MACROD2: variants seen among roughly 807,000 people sequenced by gnomAD.
MACROD2 encodes the protein mono-ADP ribosylhydrolase 2.
A neutral mutation model predicts 70.4 loss-of-function variants in MACROD2; 36 were observed. The observed-to-expected ratio is 0.51, with a 90% CI of 0.39 to 0.68. The LOEUF (loss-of-function observed/expected upper bound fraction) is 0.68, where lower values mean the gene tolerates loss of function less well. Among genes scored for constraint, MACROD2 ranks in the 30% least tolerant of loss-of-function variants. The pLI, the probability that MACROD2 is intolerant of heterozygous loss-of-function variation, is 0.00. For missense variants in MACROD2, 496 were observed against 538.4 expected, an observed-to-expected ratio of 0.92 and a Z score of 0.78; for synonymous variants, 172 against 178.8, an observed-to-expected ratio of 0.96 and a Z score of 0.30.
At chr20:14,869,677 CT>C (rs770543397) in intron 5 of MACROD2, among the ~76,000 whole-genome samples, 13 of 152,134 alleles carry the variant, frequency 8.5e-5, no homozygotes, top group Non-Finnish European at 1.8e-4. Context: ...AGCCAAACCC[CT>C]TTTCTCAACA....
chr20:14,688,185 C>T (rs1014893518), intron 5 of MACROD2, among the ~76,000 whole-genome samples: 4 of 152,126 alleles, frequency 2.6e-5, no homozygotes, highest in Non-Finnish European at 5.9e-5. Flanking sequence ...TATCTGTCCT[C>T]TGAGACAGCG....
intron 8 of MACROD2, among the ~76,000 whole-genome samples, chr20:15,525,536 G>A (rs905486308): frequency 6.6e-6 from 1 of 152,214 alleles, no homozygotes; most frequent in Non-Finnish European, 1.5e-5. Flanking sequence ...CAAGGTCCCT[G>A]TTCCTTTCAC....
intron 8 of MACROD2, among the ~76,000 whole-genome samples, chr20:15,621,241 C>G (rs1260812456): frequency 6.6e-6 from 1 of 152,178 alleles, no homozygotes; most frequent in Non-Finnish European, 1.5e-5. Context: ...TTAGTCTCTT[C>G]TCTCTATTTC....
chr20:15,912,630 A>G (rs1430072096), intron 10 of MACROD2, among the ~76,000 whole-genome samples: 1 of 152,220 alleles, frequency 6.6e-6, no homozygotes, highest in Non-Finnish European at 1.5e-5. Flanking sequence ...TTCATTGACC[A>G]CAAAAGTTGG....
chr20:14,247,596 C>T (rs2081977516), intron 3 of MACROD2, among the ~76,000 whole-genome samples: 1 of 152,060 alleles, frequency 6.6e-6, no homozygotes, highest in South Asian at 2.1e-4. Flanking sequence ...CAAAATGTTC[C>T]AAAATCCAAA....
intron 3 of MACROD2, among the ~76,000 whole-genome samples, chr20:14,366,038 A>G (rs889824959): frequency 6.6e-6 from 1 of 152,164 alleles, no homozygotes; most frequent in African/African-American, 2.4e-5. Context: ...TATCCTGTAG[A>G]TGTTCCATGT....
intron 5 of MACROD2, among the ~76,000 whole-genome samples, chr20:14,700,522 GGTGT>G (rs149689043): frequency 0.044 from 4,909 of 111,382 alleles, 107 homozygotes; most frequent in African/African-American, 0.044. Context: ...GACATATGGT[GGTGT>G]GTGTGTGTGT....
chr20:14,912,185 G>A (rs2074036055), intron 5 of MACROD2, among the ~76,000 whole-genome samples: 1 of 152,160 alleles, frequency 6.6e-6, no homozygotes, highest in South Asian at 2.1e-4. Flanking sequence ...AAGAAGGAGG[G>A]AGAGTAGCAG....
At chr20:14,457,111 TATC>T (rs200092368) in intron 3 of MACROD2, among the ~76,000 whole-genome samples, 4,390 of 152,212 alleles carry the variant, frequency 0.029, 100 homozygotes, top group Non-Finnish European at 0.042. Context: ...TTGTTAAAGG[TATC>T]ATTATAGCAT....
intron 4 of MACROD2, among the ~76,000 whole-genome samples, chr20:14,607,566 T>C (rs141897425): frequency 8.5e-4 from 130 of 152,328 alleles, no homozygotes; most frequent in African/African-American, 2.9e-3. Flanking sequence ...CTCTTTATTC[T>C]GTCCATTTCT....
chr20:16,036,068 G>C (rs1973968869), intron 15 of MACROD2, among the ~76,000 whole-genome samples: 1 of 152,080 alleles, frequency 6.6e-6, no homozygotes, highest in East Asian at 1.9e-4. Flanking sequence ...TTGGAACATA[G>C]GTATGGCAAA....
chr20:15,173,634 A>T (rs1972595222), intron 5 of MACROD2, among the ~76,000 whole-genome samples: 1 of 151,282 alleles, frequency 6.6e-6, no homozygotes. Context: ...TTTTAATTCA[A>T]TTTTTTTTTG....
At chr20:15,111,302 A>G (rs538557428) in intron 5 of MACROD2, among the ~76,000 whole-genome samples, 6 of 151,632 alleles carry the variant, frequency 4.0e-5, no homozygotes, top group Non-Finnish European at 5.9e-5. Flanking sequence ...CCTCCCAAGC[A>G]GCTGGGATTA....
At chr20:14,928,530 G>A (rs1184402258) in intron 5 of MACROD2, among the ~76,000 whole-genome samples, 1 of 152,114 alleles carries the variant, frequency 6.6e-6, no homozygotes, top group African/African-American at 2.4e-5. Flanking sequence ...AGTAGGTAAG[G>A]GATTTGCCAA....
chr20:15,778,156 G>A lies in MACROD2; in HGVS notation c.646-84589G>A, dbSNP rs558520061. Among the ~76,000 whole-genome samples, 12 of 152,220 alleles carry A rather than the reference G, an allele frequency of 7.9e-5. No homozygotes were observed. The South Asian group carries it at 1.5e-3, about 18-fold the overall frequency. On this transcript the variant is annotated intron_variant, in intron 8 of 17. Transcript: ENST00000684519. ...ACCCTCAGGGAAGATAAGTAACTTGGTCAAGTTTGCACAGCTACAAAGTGC... is the reference window on the plus strand; with the variant it reads ...ACCCTCAGGGAAGATAAGTAACTTGATCAAGTTTGCACAGCTACAAAGTGC...
At chr20:14,759,428 C>T (rs1281234126) in intron 5 of MACROD2, among the ~76,000 whole-genome samples, 2 of 151,974 alleles carry the variant, frequency 1.3e-5, no homozygotes, top group African/African-American at 4.8e-5. Context: ...AACAATATCA[C>T]ATTATGCTTT....
chr20:15,660,809 A>G (rs1015457544), intron 8 of MACROD2, among the ~76,000 whole-genome samples: 1 of 151,594 alleles, frequency 6.6e-6, no homozygotes, highest in Admixed American at 6.6e-5. Flanking sequence ...CTCAAGCCAA[A>G]CATTCAGACC....
intron 3 of MACROD2, among the ~76,000 whole-genome samples, chr20:14,304,386 G>A (rs1267404728): frequency 6.6e-6 from 1 of 152,192 alleles, no homozygotes; most frequent in Non-Finnish European, 1.5e-5. Context: ...ACAAGTTAAT[G>A]AATGTCTAAT....
intron 8 of MACROD2, among the ~76,000 whole-genome samples, chr20:15,512,913 A>G (rs894903460): frequency 2.0e-5 from 3 of 152,218 alleles, no homozygotes; most frequent in African/African-American, 7.2e-5. Flanking sequence ...TGACAGTGCA[A>G]ATGGAGCTAC....
Sources: allele counts gnomAD v4.1 joint callset (sites outside exome capture counted in the v4.1 genomes callset), GRCh38; gene constraint gnomAD v4.1.1; transcripts MANE v1.5; gene names NCBI Gene and HGNC (gene_info 2026-07-23, HGNC 2026-07-21).